TEX11: variants seen among roughly 807,000 people sequenced by gnomAD.
TEX11 encodes the protein testis expressed 11, also known as testis-expressed protein 11.
A neutral mutation model predicts 84.4 loss-of-function variants in TEX11; 7 were observed. The ratio of observed to expected loss-of-function variants is 0.08; its 90% confidence interval spans 0.05 to 0.16. TEX11 has a LOEUF of 0.16. Ranked by LOEUF, TEX11 falls within the 10% of genes least tolerant of loss-of-function variation. The pLI is 1.00. For synonymous variants in TEX11, 264 were observed against 222.8 expected (o/e 1.18, Z -1.64); for missense variants, 551 against 660.5 (o/e 0.83, Z 1.82).
At chrX:70,565,529 G>A (rs747740838) in intron 25 of TEX11, among the ~76,000 whole-genome samples, 3 of 111,222 alleles carry the variant, frequency 2.7e-5, no homozygotes, top group South Asian at 3.8e-4. Context: ...GAGTTTTTAC[G>A]GTTTTAGGTC....
chrX:70,518,459 C>T, the TEX11 span, among the ~76,000 whole-genome samples: 1 of 112,206 alleles, frequency 8.9e-6, no homozygotes, highest in Non-Finnish European at 1.9e-5. Context: ...ATCCTGCGTT[C>T]TAATTTGATT....
At chrX:70,547,507 G>A (rs1441138478) in intron 28 of TEX11, among the ~76,000 whole-genome samples, 1 of 111,210 alleles carries the variant, frequency 9.0e-6, no homozygotes, top group African/African-American at 3.3e-5. Flanking sequence ...GAAAATTTTT[G>A]CAACCTACTC....
At position 70,750,785 on chromosome X, in the gene TEX11, G is replaced by A. The variant is rs1347935378; in HGVS notation, c.693-6566C>T. 2.5e-3 allele frequency among the ~76,000 whole-genome samples: 248 copies of A among 101,198 alleles called. 2 individuals are homozygous for A. Among genetic ancestry groups the A allele is most frequent in the African/African-American group, 7.4e-3 (207 of 28,061 alleles). 87.9% of individuals were successfully genotyped at this position (101,198 alleles called of 115,157 possible). On this transcript the variant is annotated intron_variant, in intron 9 of 29. Coordinates refer to ENST00000374333, the MANE Select transcript of TEX11 (RefSeq NM_031276.3). ...GGGCACTGCTGTGGGGTGGGGGTAG[G>A]GGGGAGGGATAGCATTGGGAGATAT...
intron 7 of TEX11, among the ~76,000 whole-genome samples, chrX:70,835,777 G>T (rs571014216): frequency 1.8e-5 from 2 of 111,835 alleles, no homozygotes; most frequent in Non-Finnish European, 3.8e-5. Context: ...TTCATAAACT[G>T]TAAGTCAGTA....
intron 28 of TEX11, among the ~76,000 whole-genome samples, chrX:70,542,972 G>A (rs770812086): frequency 1.3e-4 from 14 of 111,748 alleles, no homozygotes; most frequent in African/African-American, 4.2e-4. Flanking sequence ...ACAAGGTCAG[G>A]AGATCAAGAC....
intron 8 of TEX11, among the ~76,000 whole-genome samples, chrX:70,817,267 ACACACAC>A (rs1182858367): frequency 9.2e-6 from 1 of 109,205 alleles, no homozygotes; most frequent in African/African-American, 3.3e-5. Context: ...ACACACACAC[ACACACAC>A]ACACACACAC....
chrX:70,875,171 C>A (rs2091649339), intron 3 of TEX11, among the ~76,000 whole-genome samples: 1 of 109,764 alleles, frequency 9.1e-6, no homozygotes, highest in Non-Finnish European at 1.9e-5. Flanking sequence ...GAGCGAGACT[C>A]TGTCTCAATA....
intron 9 of TEX11, among the ~76,000 whole-genome samples, chrX:70,761,242 C>T (rs182531569): frequency 1.8e-5 from 2 of 111,868 alleles, no homozygotes; most frequent in East Asian, 5.6e-4. Flanking sequence ...CCATTTGACC[C>T]AGCCATCCCA....
intron 24 of TEX11, among the ~76,000 whole-genome samples, chrX:70,592,334 A>G (rs1344089122): frequency 9.0e-6 from 1 of 111,561 alleles, no homozygotes; most frequent in Non-Finnish European, 1.9e-5. Flanking sequence ...GCACTACTTT[A>G]GGTGGGTGTG....
chrX:70,877,058 C>G (rs1470931246), intron 3 of TEX11, among the ~76,000 whole-genome samples: 1 of 111,473 alleles, frequency 9.0e-6, no homozygotes, highest in Non-Finnish European at 1.9e-5. Context: ...CTTTGGGAGG[C>G]CGAGGTGGGT....
intron 27 of TEX11, among the ~76,000 whole-genome samples, 200 bp downstream of exon 27, chrX:70,553,106 T>C (rs1427833925): frequency 6.3e-5 from 7 of 111,885 alleles, no homozygotes; most frequent in Non-Finnish European, 7.5e-5. Flanking sequence ...TTTTCTCCTT[T>C]GGGAAAACCA....
intron 4 of TEX11, among the ~76,000 whole-genome samples, chrX:70,868,658 A>G (rs1258344840): frequency 4.5e-5 from 5 of 111,886 alleles, no homozygotes; most frequent in Admixed American, 9.6e-5. Context: ...CTGGATAAAG[A>G]AAATGTGGCA....
intron 13 of TEX11, among the ~76,000 whole-genome samples, chrX:70,708,956 C>G (rs1198794918): frequency 1.8e-5 from 2 of 109,190 alleles, no homozygotes; most frequent in Non-Finnish European, 3.8e-5. Flanking sequence ...CTTTTCCCAT[C>G]TCAAGAACCC....
chrX:70,661,634 C>G (rs1297242211), intron 16 of TEX11, among the ~76,000 whole-genome samples: 7 of 111,741 alleles, frequency 6.3e-5, no homozygotes, highest in Non-Finnish European at 1.3e-4. Flanking sequence ...CCAGTAGGGG[C>G]AGACTGACAC....
intron 18 of TEX11, among the ~76,000 whole-genome samples, chrX:70,626,522 T>C (rs1307501545): frequency 9.0e-6 from 1 of 111,318 alleles, no homozygotes; most frequent in Non-Finnish European, 1.9e-5. Context: ...TTTTTCACTG[T>C]CCCTCATCCC....
intron 25 of TEX11, among the ~76,000 whole-genome samples, chrX:70,587,044 A>AT (rs762106551): frequency 8.9e-6 from 1 of 112,273 alleles, no homozygotes; most frequent in African/African-American, 3.2e-5. Context: ...GACTGGTGGC[A>AT]TTTTGCCTCT....
intron 28 of TEX11, among the ~76,000 whole-genome samples, chrX:70,539,040 T>TATATATA (rs1447496117): frequency 7.3e-4 from 7 of 9,578 alleles, no homozygotes; most frequent in Non-Finnish European, 2.6e-4. Flanking sequence ...ATATATATAT[T>TATATATA]TTTTTTTTTT....
chrX:70,529,026 ACT>A lies in TEX11; in HGVS notation c.*67_*68del, dbSNP rs2087850422. 3 of 870,030 alleles carry A rather than the reference ACT, an allele frequency of 3.4e-6. No individual in the cohort carries two copies. The Admixed American group carries it at 7.6e-5, about 22-fold the overall frequency. The allele number at this position is 870,030 out of a possible 1,213,427, so 71.7% of individuals were successfully genotyped here. A position where few individuals can be genotyped will look rare whatever the true frequency, so the allele number is the denominator to read the frequency against. On this transcript the variant is annotated 3_prime_UTR_variant, in exon 30 of 30. Transcript: ENST00000374333. The stretch of plus-strand genomic sequence containing the variant: ...AAACAGAAACAAAAGCTCAAGAGAA[ACT>A]CTGGCAAAAATTTAAACAGTCAGCA...
At chrX:70,891,548 T>C (rs1359535531) in intron 2 of TEX11, among the ~76,000 whole-genome samples, 2 of 111,224 alleles carry the variant, frequency 1.8e-5, no homozygotes, top group Admixed American at 9.6e-5. Flanking sequence ...AGTGACCTGA[T>C]GGAGCTGAAA....
Sources: gnomAD v4.1 joint callset for allele counts (sites outside exome capture counted in the v4.1 genomes callset) on GRCh38, gnomAD v4.1.1 for gene constraint, MANE v1.5 for transcripts, NCBI Gene and HGNC (gene_info 2026-07-23, HGNC 2026-07-21) for gene names.